The following FBXL20 variants were observed in gnomAD, a reference collection of about 807,000 sequenced individuals.
FBXL20 encodes the protein F-box/LRR-repeat protein 20.
FBXL20 carries 11 observed loss-of-function variants against 64.0 expected under a neutral mutation model. That is an observed-to-expected ratio of 0.17 (90% CI 0.11 to 0.28). FBXL20 has a LOEUF of 0.28. Among genes scored for constraint, FBXL20 ranks in the 10% least tolerant of loss-of-function variants. FBXL20 has a pLI of 1.00. For synonymous variants in FBXL20, 184 were observed against 189.0 expected (o/e 0.97, Z 0.22); for missense variants, 303 against 526.2 (o/e 0.58, Z 4.15).
At chr17:39,374,564 T>C (rs569240373) in intron 1 of FBXL20, among the ~76,000 whole-genome samples, 89 of 152,258 alleles carry the variant, frequency 5.8e-4, no homozygotes, top group Non-Finnish European at 9.7e-4. Flanking sequence ...TGCTAGATTA[T>C]AACTAATTTT....
At chr17:39,399,834 T>C (rs35662374) in intron 1 of FBXL20, among the ~76,000 whole-genome samples, 4,908 of 152,206 alleles carry the variant, frequency 0.032, 278 homozygotes, top group African/African-American at 0.11. Flanking sequence ...TACAAGAGAA[T>C]ACTTTCCAAA....
At chr17:39,279,076 G>A (rs1348015973) in intron 9 of FBXL20, among the ~76,000 whole-genome samples, 1 of 151,978 alleles carries the variant, frequency 6.6e-6, no homozygotes, top group Non-Finnish European at 1.5e-5. Flanking sequence ...CCTGGGAGAT[G>A]GAGGTTGCAG....
chr17:39,366,184 G>A (rs1010015417), intron 1 of FBXL20, among the ~76,000 whole-genome samples: 5 of 151,972 alleles, frequency 3.3e-5, no homozygotes, highest in African/African-American at 7.3e-5. Context: ...TAAATTAAGC[G>A]TCCGTGTGAA....
At chr17:39,325,815 C>G (rs2047403297) in intron 2 of FBXL20, among the ~76,000 whole-genome samples, 1 of 151,950 alleles carries the variant, frequency 6.6e-6, no homozygotes, top group Non-Finnish European at 1.5e-5. Context: ...TTGGGTACAG[C>G]AAAGTTAACT....
intron 2 of FBXL20, among the ~76,000 whole-genome samples, chr17:39,325,702 A>C (rs1438891484): frequency 6.6e-6 from 1 of 152,174 alleles, no homozygotes; most frequent in African/African-American, 2.4e-5. Flanking sequence ...TTCTGTTCAA[A>C]TTACTGACTG....
chr17:39,364,789 AC>A (rs1448767464), intron 1 of FBXL20, among the ~76,000 whole-genome samples: 1 of 152,170 alleles, frequency 6.6e-6, no homozygotes, highest in African/African-American at 2.4e-5. Flanking sequence ...TGACAGCAAC[AC>A]CAAAAGGTCT....
At chr17:39,312,052 T>C (rs75619512) in intron 2 of FBXL20, among the ~76,000 whole-genome samples, 2,023 of 152,250 alleles carry the variant, frequency 0.013, 22 homozygotes, top group Middle Eastern at 0.034. Flanking sequence ...TTCACTTGGA[T>C]TTGAACGTTT....
In FBXL20 at chr17:39,348,190, C is replaced by T. The variant is rs550580574; in HGVS notation, c.43-4949G>A. On this transcript the variant is annotated intron_variant, in intron 1 of 14. Coordinates refer to ENST00000264658, the MANE Select transcript of FBXL20 (RefSeq NM_032875.3). ...CAAAAGATGATGTCTCGGCTGAGCG[C>T]GGTGGCTCACGCCTGTAATCCCAGC... 1.1e-4 allele frequency among the ~76,000 whole-genome samples: 16 copies of T among 151,472 alleles called. No individual in the cohort carries two copies. The East Asian group carries it at 3.1e-3, about 29-fold the overall frequency.
chr17:39,357,596 G>C (rs1413415974), intron 1 of FBXL20, among the ~76,000 whole-genome samples: 5 of 152,142 alleles, frequency 3.3e-5, no homozygotes, highest in East Asian at 3.9e-4. Flanking sequence ...ACCCAGGCTA[G>C]AGTGCGGTGG....
intron 1 of FBXL20, among the ~76,000 whole-genome samples, chr17:39,365,563 C>T (rs180853326): frequency 6.6e-6 from 1 of 152,296 alleles, no homozygotes; most frequent in East Asian, 1.9e-4. Context: ...ATATTCTGAG[C>T]TTTCTTTTAT....
chr17:39,376,815 A>G (rs1286203564), intron 1 of FBXL20, among the ~76,000 whole-genome samples: 4 of 152,120 alleles, frequency 2.6e-5, no homozygotes, highest in Admixed American at 6.6e-5. Context: ...AGCCTGTGCA[A>G]CATAGTGATA....
At chr17:39,365,310 T>C (rs2047848883) in intron 1 of FBXL20, among the ~76,000 whole-genome samples, 1 of 152,222 alleles carries the variant, frequency 6.6e-6, no homozygotes, top group African/African-American at 2.4e-5. Context: ...CATTTTTGTT[T>C]GGCCAGATAA....
chr17:39,298,731 TATTA>T (rs1469358910), intron 5 of FBXL20, among the ~76,000 whole-genome samples: 1 of 151,906 alleles, frequency 6.6e-6, no homozygotes. Context: ...AAAATAAAAA[TATTA>T]ATTAATTTAA....
intron 2 of FBXL20, among the ~76,000 whole-genome samples, chr17:39,327,886 G>A (rs1032542694): frequency 6.6e-6 from 1 of 151,908 alleles, no homozygotes; most frequent in Non-Finnish European, 1.5e-5. Context: ...GTATTTCTTA[G>A]CTCTGTCTTA....
intron 2 of FBXL20, among the ~76,000 whole-genome samples, chr17:39,310,788 C>T (rs1353139220): frequency 2.0e-5 from 3 of 152,104 alleles, no homozygotes; most frequent in Middle Eastern, 3.4e-3. Context: ...GAGCTCAAGA[C>T]CAACCTGATC....
intron 14 of FBXL20, among the ~76,000 whole-genome samples, chr17:39,262,988 C>A (rs541334317): frequency 7.8e-6 from 1 of 128,122 alleles, no homozygotes; most frequent in Middle Eastern, 4.0e-3. Flanking sequence ...GGTGACAGAG[C>A]GAGACTCTGT....
chr17:39,368,072 C>T (rs571758844), intron 1 of FBXL20, among the ~76,000 whole-genome samples: 22 of 152,056 alleles, frequency 1.4e-4, no homozygotes, highest in Non-Finnish European at 3.1e-4. Context: ...GTCACCACAC[C>T]CCGCCTGTGA....
chr17:39,360,025 GT>G (rs1441897582), intron 1 of FBXL20, among the ~76,000 whole-genome samples: 7 of 151,900 alleles, frequency 4.6e-5, no homozygotes, highest in African/African-American at 1.5e-4. Flanking sequence ...AAATTATGTT[GT>G]TTTATGATTA....
chr17:39,305,770 G>C (rs751003649), intron 2 of FBXL20, among the ~76,000 whole-genome samples: 1 of 152,082 alleles, frequency 6.6e-6, no homozygotes, highest in Non-Finnish European at 1.5e-5. Context: ...TGGGTCATCT[G>C]AGGTCAGGAG....
Sources: allele counts gnomAD v4.1 joint callset (sites outside exome capture counted in the v4.1 genomes callset), GRCh38; gene constraint gnomAD v4.1.1; transcripts MANE v1.5; gene names NCBI Gene and HGNC (gene_info 2026-07-23, HGNC 2026-07-21).